Variants in TMEM132D observed in about 807,000 individuals in gnomAD.
TMEM132D encodes the protein mature OL transmembrane protein.
TMEM132D carries 21 observed loss-of-function variants against 62.3 expected under a neutral mutation model. The ratio of observed to expected loss-of-function variants is 0.34; its 90% CI spans 0.24 to 0.49. The LOEUF (loss-of-function observed/expected upper bound fraction) is 0.49, where lower values mean the gene tolerates loss of function less well. Among genes scored for constraint, TMEM132D ranks in the 20% least tolerant of loss-of-function variants. The pLI, the probability that TMEM132D is intolerant of heterozygous loss-of-function variation, is 0.99. For missense variants in TMEM132D, 1,346 were observed against 1,402.8 expected, an observed-to-expected ratio of 0.96 and a Z score of 0.65; for synonymous variants, 621 against 575.6, an observed-to-expected ratio of 1.08 and a Z score of -1.13.
rs71082753 is a variant in TMEM132D, at chr12:129,760,323, C to CTTT, written c.80-59628_80-59626dup. On this transcript the variant is annotated intron_variant, in intron 1 of 8. Transcript: ENST00000422113. Reference sequence around the variant, plus strand: ...AGACAGAAATGATGTAAGCCACTTTCTTTTTTTTTTTTTTTTTTTTTTTTT... The same window carrying CTTT: ...AGACAGAAATGATGTAAGCCACTTTCTTTTTTTTTTTTTTTTTTTTTTTTTTTT... Among the ~76,000 whole-genome samples, 323 of 115,460 alleles carry CTTT rather than the reference C, an allele frequency of 2.8e-3. 36 individuals carry two copies. The highest frequency in any genetic ancestry group is 5.9e-3 in the South Asian group (19 of 3,242). The allele number at this position is 115,460 out of a possible 152,430, so 75.7% of individuals were successfully genotyped here.
chr12:129,190,557 G>A (rs1340620172), intron 5 of TMEM132D, among the ~76,000 whole-genome samples: 1 of 138,918 alleles, frequency 7.2e-6, no homozygotes, highest in African/African-American at 2.7e-5. Context: ...GGAGGGAGGG[G>A]TCTTGGGGGC....
intron 3 of TMEM132D, among the ~76,000 whole-genome samples, chr12:129,450,927 C>T (rs1302270343): frequency 1.4e-5 from 2 of 147,242 alleles, no homozygotes; most frequent in Non-Finnish European, 3.0e-5. Context: ...CCACACCTGG[C>T]TAATTTTTGT....
intron 5 of TMEM132D, among the ~76,000 whole-genome samples, chr12:129,086,201 C>CGCGCGTGTGTGTGTGT (rs1349816832): frequency 3.3e-4 from 47 of 141,034 alleles, no homozygotes; most frequent in Non-Finnish European, 4.5e-4. Flanking sequence ...CACGCGCGCG[C>CGCGCGTGTGTGTGTGT]GTGTGTGTGT....
At chr12:129,427,536 C>A (rs1218451664) in intron 3 of TMEM132D, among the ~76,000 whole-genome samples, 1 of 151,972 alleles carries the variant, frequency 6.6e-6, no homozygotes, top group Admixed American at 6.6e-5. Flanking sequence ...TGCACATGTA[C>A]CCTAAAACTT....
chr12:129,462,732 T>G (rs1214231003), intron 3 of TMEM132D, among the ~76,000 whole-genome samples: 1 of 152,174 alleles, frequency 6.6e-6, no homozygotes, highest in Non-Finnish European at 1.5e-5. Context: ...CCTTGGGATA[T>G]GGTAGTAAAT....
At chr12:129,137,166 CCAT>C (rs1051071722) in intron 5 of TMEM132D, among the ~76,000 whole-genome samples, 133 of 144,486 alleles carry the variant, frequency 9.2e-4, no homozygotes, top group African/African-American at 3.2e-3. Flanking sequence ...ATCACAATCA[CCAT>C]CATCATCACC....
chr12:129,665,810 T>C (rs1562940), intron 2 of TMEM132D, among the ~76,000 whole-genome samples: 75,570 of 152,008 alleles, frequency 0.5, 18,942 homozygotes, highest in Middle Eastern at 0.62. Context: ...TTGATGTCTT[T>C]ATTGTCTAAT....
At chr12:129,863,006 T>A (rs1050147241) in intron 1 of TMEM132D, among the ~76,000 whole-genome samples, 27 of 152,218 alleles carry the variant, frequency 1.8e-4, no homozygotes, top group African/African-American at 6.5e-4. Flanking sequence ...AGGGCAGATG[T>A]AAATGGGAAC....
intron 3 of TMEM132D, among the ~76,000 whole-genome samples, chr12:129,338,262 G>A (rs1869357192): frequency 6.6e-6 from 1 of 152,158 alleles, no homozygotes; most frequent in South Asian, 2.1e-4. Context: ...ATGTCTGAGG[G>A]TGACACAGTT....
At chr12:129,675,879 A>T (rs1880616183) in intron 2 of TMEM132D, among the ~76,000 whole-genome samples, 1 of 152,198 alleles carries the variant, frequency 6.6e-6, no homozygotes, top group African/African-American at 2.4e-5. Flanking sequence ...ACTTAACCAT[A>T]GAGTCTGAGA....
chr12:129,549,885 C>G (rs577619979), intron 2 of TMEM132D, among the ~76,000 whole-genome samples: 2 of 152,328 alleles, frequency 1.3e-5, no homozygotes, highest in South Asian at 4.1e-4. Context: ...CTAAGCAAGA[C>G]CTCGGCAAGT....
intron 5 of TMEM132D, among the ~76,000 whole-genome samples, chr12:129,179,610 C>A (rs1345688333): frequency 6.6e-6 from 1 of 152,206 alleles, no homozygotes; most frequent in Non-Finnish European, 1.5e-5. Context: ...CAACGAACCA[C>A]AAAATTCACG....
intron 5 of TMEM132D, chr12:129,085,739 C>T (rs1874596537): frequency 6.6e-6 from 1 of 152,216 alleles, no homozygotes; most frequent in Admixed American, 6.5e-5. Context: ...GGATTTAGCC[C>T]CAGAAGTCTG....
At chr12:129,814,852 C>T (rs2137319119) in intron 1 of TMEM132D, among the ~76,000 whole-genome samples, 1 of 152,196 alleles carries the variant, frequency 6.6e-6, no homozygotes, top group African/African-American at 2.4e-5. Flanking sequence ...TCCTGCTATC[C>T]ATTTAATTGC....
chr12:129,788,602 A>G (rs1408733474), intron 1 of TMEM132D, among the ~76,000 whole-genome samples: 1 of 152,242 alleles, frequency 6.6e-6, no homozygotes, highest in African/African-American at 2.4e-5. Context: ...AAAATATTTA[A>G]GCAAAGTATG....
At chr12:129,175,392 T>C (rs1183477035) in intron 5 of TMEM132D, among the ~76,000 whole-genome samples, 2 of 152,246 alleles carry the variant, frequency 1.3e-5, no homozygotes, top group African/African-American at 4.8e-5. Context: ...ATTGCCAATC[T>C]GGTATTGCGT....
Position 129,371,240 on chromosome 12 carries a change from G to C in TMEM132D, c.1116-33423C>G, listed in dbSNP as rs1870588396. On this transcript the variant is annotated intron_variant, in intron 3 of 8. Coordinates refer to ENST00000422113, the MANE Select transcript of TMEM132D (RefSeq NM_133448.3). The surrounding 1 kb of genome is among the most constrained non-coding windows in gnomAD (Gnocchi z 4.3). The stretch of plus-strand genomic sequence containing the variant: ...TTTAAATTATTGTTGTTACTGTGGT[G>C]ATGATGGTGGCAGTGATGATGATGA... Among the ~76,000 whole-genome samples, 1 of 152,176 alleles carries C rather than the reference G, an allele frequency of 6.6e-6. No homozygotes were observed. Among genetic ancestry groups the C allele is most frequent in the Admixed American group, 6.5e-5 (1 of 15,276 alleles).
intron 2 of TMEM132D, among the ~76,000 whole-genome samples, chr12:129,631,507 T>C (rs1879343261): frequency 6.6e-6 from 1 of 152,204 alleles, no homozygotes; most frequent in African/African-American, 2.4e-5. Flanking sequence ...AAGGTATTCA[T>C]GAGAATTACT....
chr12:129,137,572 C>T (rs1012684189), intron 5 of TMEM132D, among the ~76,000 whole-genome samples: 2 of 152,178 alleles, frequency 1.3e-5, no homozygotes, highest in African/African-American at 4.8e-5. Flanking sequence ...ATGTTTCCAG[C>T]TTTCTATAAT....
Sources: gnomAD v4.1 joint callset for allele counts (sites outside exome capture counted in the v4.1 genomes callset) on GRCh38, gnomAD v4.1.1 for gene constraint, Gnocchi (gnomAD v3.1) non-coding constraint, MANE v1.5 for transcripts, NCBI Gene and HGNC (gene_info 2026-07-23, HGNC 2026-07-21) for gene names.